The following SGMS1 variants were observed in gnomAD, a reference collection of about 807,000 sequenced individuals.
SGMS1 encodes phosphatidylcholine:ceramide cholinephosphotransferase 1.
In SGMS1, 13 loss-of-function variants were observed where a neutral mutation model predicts 46.2. The observed-to-expected ratio is 0.28, with a 90% confidence interval of 0.18 to 0.45. The LOEUF (loss-of-function observed/expected upper bound fraction) is 0.45. Ranked by LOEUF, SGMS1 falls within the 20% of genes least tolerant of loss-of-function variation. The pLI is 1.00. For missense variants in SGMS1, 324 were observed against 519.9 expected (o/e 0.62, Z 3.66); for synonymous variants, 203 against 187.8 (o/e 1.08, Z -0.66).
intron 2 of SGMS1, among the ~76,000 whole-genome samples, chr10:50,563,191 G>A (rs767081790): frequency 9.2e-5 from 14 of 152,144 alleles, no homozygotes; most frequent in Non-Finnish European, 2.1e-4. Flanking sequence ...GGACCTCTGA[G>A]TCCTCGTGGT....
chr10:50,361,032 T>C (rs188563594), intron 6 of SGMS1, among the ~76,000 whole-genome samples: 3 of 152,304 alleles, frequency 2.0e-5, no homozygotes, highest in Admixed American at 2.0e-4. Context: ...TACCTCTATC[T>C]ACTCACCTAT....
intron 2 of SGMS1, among the ~76,000 whole-genome samples, chr10:50,564,957 C>A (rs914915096): frequency 1.3e-5 from 2 of 152,174 alleles, no homozygotes; most frequent in African/African-American, 4.8e-5. Flanking sequence ...CCATTCTCAG[C>A]TGGCTGCAGG....
chr10:50,386,471 G>A (rs1037985034), intron 6 of SGMS1, among the ~76,000 whole-genome samples: 8 of 152,120 alleles, frequency 5.3e-5, no homozygotes, highest in African/African-American at 1.2e-4. Context: ...GCTCTTCAGC[G>A]TCCACACCTT....
At chr10:50,373,590 G>C (rs1401346057) in intron 6 of SGMS1, among the ~76,000 whole-genome samples, 1 of 152,120 alleles carries the variant, frequency 6.6e-6, no homozygotes, top group Non-Finnish European at 1.5e-5. Flanking sequence ...AATGTCACAG[G>C]TTACTTCAGT....
chr10:50,437,710 G>A (rs1849492888), intron 5 of SGMS1, among the ~76,000 whole-genome samples: 1 of 152,184 alleles, frequency 6.6e-6, no homozygotes, highest in Non-Finnish European at 1.5e-5. Flanking sequence ...TACCAACACA[G>A]CCTTAGCAAG....
chr10:50,354,717 T>A (rs1420043132), intron 6 of SGMS1, among the ~76,000 whole-genome samples: 2 of 152,054 alleles, frequency 1.3e-5, no homozygotes, highest in Non-Finnish European at 2.9e-5. Flanking sequence ...ATATCCAGAA[T>A]CTACAATAAA....
chr10:50,334,354 A>G (rs560664886), intron 7 of SGMS1, among the ~76,000 whole-genome samples: 44 of 152,346 alleles, frequency 2.9e-4, no homozygotes, highest in Non-Finnish European at 5.3e-4. Flanking sequence ...GTATATATAC[A>G]CAGAATACGA....
At chr10:50,386,299 A>G (rs1848681004) in intron 6 of SGMS1, among the ~76,000 whole-genome samples, 1 of 152,194 alleles carries the variant, frequency 6.6e-6, no homozygotes, top group Admixed American at 6.5e-5. Flanking sequence ...TACTTACAAG[A>G]GTATAGTAAC....
intron 3 of SGMS1, among the ~76,000 whole-genome samples, chr10:50,499,604 C>A (rs1837644520): frequency 6.6e-6 from 1 of 152,142 alleles, no homozygotes; most frequent in South Asian, 2.1e-4. Context: ...CATAAATATT[C>A]TTTTCCCAAA....
chr10:50,478,495 T>G (rs902046504), intron 3 of SGMS1, among the ~76,000 whole-genome samples: 2 of 152,170 alleles, frequency 1.3e-5, no homozygotes, highest in Admixed American at 1.3e-4. Flanking sequence ...AAGGACATAT[T>G]GTAGACATTA....
intron 3 of SGMS1, among the ~76,000 whole-genome samples, chr10:50,510,653 T>C (rs982939694): frequency 6.6e-6 from 1 of 151,916 alleles, no homozygotes; most frequent in African/African-American, 2.4e-5. Context: ...TAGACTCACA[T>C]AGAAGATACA....
intron 2 of SGMS1, among the ~76,000 whole-genome samples, chr10:50,551,254 C>T (rs1431242285): frequency 1.3e-5 from 2 of 151,756 alleles, no homozygotes; most frequent in African/African-American, 4.8e-5. Flanking sequence ...CACTTCATTT[C>T]TGTGATCTTC....
chr10:50,307,864 T>C lies in SGMS1; in HGVS notation c.1062+118A>G. 1 of 916,772 alleles carries C rather than the reference T, an allele frequency of 1.1e-6. No homozygotes were observed. The highest frequency in any genetic ancestry group is 1.7e-6 in the Non-Finnish European group (1 of 590,422). The allele number at this position is 916,772 out of a possible 1,614,324, so 56.8% of individuals were successfully genotyped here. A position where few individuals can be genotyped will look rare whatever the true frequency, so the allele number is the denominator to read the frequency against. On this transcript the variant is annotated intron_variant, in intron 10 of 10. Coordinates refer to ENST00000361781, the MANE Select transcript of SGMS1 (RefSeq NM_147156.4). The surrounding 1 kb of genome is among the most constrained non-coding windows in gnomAD (Gnocchi z 4.2). ...TCACAAAAAAACAATACAATCTTAG[T>C]TGATTACTACTTAAGAAAGAGAAAC...
intron 3 of SGMS1, among the ~76,000 whole-genome samples, chr10:50,500,576 T>C (rs977425170): frequency 1.3e-5 from 2 of 152,238 alleles, no homozygotes; most frequent in Admixed American, 6.5e-5. Flanking sequence ...CTTTAATTTC[T>C]ACATAAGGAT....
chr10:50,621,283 T>C (rs1838847772), intron 1 of SGMS1, among the ~76,000 whole-genome samples: 1 of 152,182 alleles, frequency 6.6e-6, no homozygotes, highest in African/African-American at 2.4e-5. Context: ...CTAGCTGAAA[T>C]GTAGGATCTG....
intron 2 of SGMS1, among the ~76,000 whole-genome samples, chr10:50,554,348 G>C (rs555736712): frequency 1.3e-5 from 2 of 152,146 alleles, no homozygotes; most frequent in East Asian, 3.9e-4. Flanking sequence ...CCTCATTAAG[G>C]CCTACTAATT....
intron 5 of SGMS1, among the ~76,000 whole-genome samples, chr10:50,437,637 A>T (rs974479373): frequency 2.0e-5 from 3 of 152,220 alleles, no homozygotes; most frequent in Non-Finnish European, 4.4e-5. Flanking sequence ...GGAAGATAAC[A>T]CAAGAGTTAC....
chr10:50,374,038 A>T (rs989298273), intron 6 of SGMS1, among the ~76,000 whole-genome samples: 2 of 152,208 alleles, frequency 1.3e-5, no homozygotes, highest in Admixed American at 6.5e-5. Context: ...CACTGAAGAC[A>T]CAGCTGAAAT....
At chr10:50,355,167 A>T (rs955939611) in intron 6 of SGMS1, among the ~76,000 whole-genome samples, 20 of 152,386 alleles carry the variant, frequency 1.3e-4, no homozygotes, top group African/African-American at 4.3e-4. Context: ...GGCACTATTC[A>T]CAATAGCAAA....
Sources: allele counts gnomAD v4.1 joint callset (sites outside exome capture counted in the v4.1 genomes callset), GRCh38; gene constraint gnomAD v4.1.1; non-coding constraint Gnocchi (gnomAD v3.1); transcripts MANE v1.5; gene names NCBI Gene and HGNC (gene_info 2026-07-23, HGNC 2026-07-21).